ANAPC1: variants seen among roughly 807,000 people sequenced by gnomAD.
The protein encoded by ANAPC1 is anaphase promoting complex subunit 1, also known as anaphase-promoting complex subunit 1.
Under a neutral mutation model 208.0 loss-of-function variants are expected in ANAPC1, and 36 were observed. That is an observed-to-expected ratio of 0.17 (90% CI 0.13 to 0.23). The LOEUF is 0.23. Ranked by LOEUF, ANAPC1 falls within the 10% of genes least tolerant of loss-of-function variation. The pLI is 1.00. For synonymous variants in ANAPC1, 378 were observed against 695.2 expected (o/e 0.54, Z 7.18); for missense variants, 942 against 2,011.6 (o/e 0.47, Z 10.17).
At chr2:111,782,059 A>G (rs1210330395) in intron 43 of ANAPC1, among the ~76,000 whole-genome samples, 5 of 152,078 alleles carry the variant, frequency 3.3e-5, no homozygotes, top group African/African-American at 1.2e-4. Flanking sequence ...ACCGATTTGA[A>G]GATCAATAAT....
intron 13 of ANAPC1, among the ~76,000 whole-genome samples, chr2:111,854,154 A>G (rs1420652079): frequency 4.6e-5 from 7 of 152,198 alleles, no homozygotes; most frequent in African/African-American, 1.4e-4. Flanking sequence ...ATGTGTCAGC[A>G]GGCATGAAAA....
At chr2:111,775,536 G>T in intron 46 of ANAPC1, among the ~76,000 whole-genome samples, 1 of 152,224 alleles carries the variant, frequency 6.6e-6, no homozygotes, top group Non-Finnish European at 1.5e-5. Context: ...AAAAATTCTA[G>T]TTTTTCACTA....
chr2:111,826,689 TCTCA>T (rs1679855545), intron 21 of ANAPC1, among the ~76,000 whole-genome samples: 1 of 144,666 alleles, frequency 6.9e-6, no homozygotes, highest in Non-Finnish European at 1.5e-5. Flanking sequence ...TGAGACGGAG[TCTCA>T]CTATGTCGCC....
chr2:111,865,062 G>A (rs1456359285), intron 7 of ANAPC1, 111 bp from the exon 8 acceptor site: 9 of 1,122,580 alleles, frequency 8.0e-6, no homozygotes, highest in South Asian at 1.8e-5. Flanking sequence ...AAGCCAAAGA[G>A]AGCACAAAAT....
chr2:111,870,890 A>G (rs946249460), intron 6 of ANAPC1, among the ~76,000 whole-genome samples: 1 of 152,130 alleles, frequency 6.6e-6, no homozygotes, highest in African/African-American at 2.4e-5. Context: ...AAAAAAACCC[A>G]ATTTCATTCT....
In ANAPC1 at chr2:111,834,932, G is replaced by C. The variant is rs375489650; in HGVS notation, c.2116-60C>G. The C allele has an allele frequency of 5.6e-6, 7 of 1,250,016 alleles. No individual in the cohort carries two copies. In the East Asian group the frequency reaches 1.2e-4, roughly 21 times the overall value. The allele number at this position is 1,250,016 out of a possible 1,614,324, so 77.4% of individuals were successfully genotyped here. ...ATAATACCTCCTTATAATATCATAAGAAAATTAATTCACTTAAAACAATTC... is the reference window on the plus strand; with the variant it reads ...ATAATACCTCCTTATAATATCATAACAAAATTAATTCACTTAAAACAATTC... On this transcript the variant is annotated intron_variant, in intron 18 of 47. Transcript: ENST00000341068.
At chr2:111,789,069 C>T (rs1373148056) in intron 38 of ANAPC1, among the ~76,000 whole-genome samples, 6 of 152,082 alleles carry the variant, frequency 3.9e-5, no homozygotes, top group South Asian at 2.1e-4. Flanking sequence ...ACCCGGGAGG[C>T]GGAGCTTGCA....
At chr2:111,767,098 G>A (rs1334762636), downstream of ANAPC1, 17 of 402,156 alleles carry the variant, frequency 4.2e-5, no homozygotes, top group Admixed American at 9.1e-5. Flanking sequence ...CTATGGAAGC[G>A]ATGATACCTA....
At chr2:111,870,140 C>T (rs1682665844) in intron 6 of ANAPC1, among the ~76,000 whole-genome samples, 1 of 152,178 alleles carries the variant, frequency 6.6e-6, no homozygotes, top group African/African-American at 2.4e-5. Context: ...AGGCTGCTTC[C>T]TTATCTTTGC....
chr2:111,817,034 A>C (rs933950686), intron 27 of ANAPC1, among the ~76,000 whole-genome samples: 2 of 93,924 alleles, frequency 2.1e-5, no homozygotes, highest in Non-Finnish European at 4.4e-5. Context: ...AGAAAATAAA[A>C]TGCAAAGGGT....
In ANAPC1 at chr2:111,870,977, T is replaced by C. The variant is rs536539616; in HGVS notation, c.611+1653A>G. On this transcript the variant is annotated intron_variant, in intron 6 of 47. Coordinates refer to ENST00000341068, the MANE Select transcript of ANAPC1 (RefSeq NM_022662.4). ...TCCCCCAATTTATGTTTTTGTAAGC[T>C]TGTTTGTCAAAGATCAAATACTTGA... Among the ~76,000 whole-genome samples the C allele has an allele frequency of 8.5e-5, 13 of 152,312 alleles. No homozygotes were observed. The South Asian group carries it at 1.0e-3, about 12-fold the overall frequency.
intron 13 of ANAPC1, among the ~76,000 whole-genome samples, chr2:111,852,189 T>C (rs541371071): frequency 6.7e-6 from 1 of 150,136 alleles, no homozygotes; most frequent in African/African-American, 2.4e-5. Flanking sequence ...GAATAAAATT[T>C]ATAATGCAAC....
chr2:111,870,650 T>C (rs766698097), intron 6 of ANAPC1, among the ~76,000 whole-genome samples: 1 of 152,234 alleles, frequency 6.6e-6, no homozygotes, highest in Non-Finnish European at 1.5e-5. Flanking sequence ...CTGTGTGAAC[T>C]ATCTGTCTAT....
intron 30 of ANAPC1, among the ~76,000 whole-genome samples, chr2:111,804,303 T>G (rs1202426027): frequency 2.0e-4 from 17 of 85,662 alleles, no homozygotes; most frequent in Middle Eastern, 6.4e-3. Context: ...CCCTATTTTA[T>G]AAATAAGGAA....
In ANAPC1 at chr2:111,779,848, A is replaced by G. The variant is rs1166523596; in HGVS notation, c.5289+451T>C. On this transcript the variant is annotated intron_variant, in intron 44 of 47. Transcript: ENST00000341068. ...ACAGAAAAAACCGACCCTGTCTCAA[A>G]AAACAAAAAACAAAAAAATAAAGAA... The G allele has an allele frequency of 1.7e-5, 4 of 234,064 alleles. No individual in the cohort carries two copies. The East Asian group carries it at 5.4e-4, about 31-fold the overall frequency. 14.5% of individuals were successfully genotyped at this position (234,064 alleles called of 1,614,324 possible).
intron 3 of ANAPC1, among the ~76,000 whole-genome samples, chr2:111,875,965 T>C (rs912410325): frequency 5.9e-5 from 9 of 152,332 alleles, no homozygotes; most frequent in African/African-American, 1.9e-4. Flanking sequence ...AGGTAGTTAT[T>C]ATACAGCATT....
intron 39 of ANAPC1, 42 bp downstream of exon 39, chr2:111,788,192 A>C (rs2104514267): frequency 6.2e-7 from 1 of 1,600,536 alleles, no homozygotes; most frequent in African/African-American, 1.3e-5. Flanking sequence ...CCCTTAGAGA[A>C]CTTAATAAGT....
chr2:111,876,341 T>C (rs937054374), intron 3 of ANAPC1, among the ~76,000 whole-genome samples: 10 of 152,162 alleles, frequency 6.6e-5, no homozygotes, highest in African/African-American at 2.4e-4. Context: ...CCTGATATTA[T>C]TTCATAAACA....
At chr2:111,844,196 C>G (rs1173512449) in intron 16 of ANAPC1, among the ~76,000 whole-genome samples, 1 of 152,108 alleles carries the variant, frequency 6.6e-6, no homozygotes, top group South Asian at 2.1e-4. Context: ...AGAGACAGTC[C>G]TGATTTACAT....
Sources: allele counts gnomAD v4.1 joint callset (sites outside exome capture counted in the v4.1 genomes callset), GRCh38; gene constraint gnomAD v4.1.1; transcripts MANE v1.5; gene names NCBI Gene and HGNC (gene_info 2026-07-23, HGNC 2026-07-21).